CAPN1: variants seen among roughly 807,000 people sequenced by gnomAD.
CAPN1 encodes the protein calpain-1 catalytic subunit.
In CAPN1, 77 loss-of-function variants were observed where a neutral mutation model predicts 105.2. That is an observed-to-expected ratio of 0.73 (90% CI 0.61 to 0.88). CAPN1 has a LOEUF of 0.88. Among genes scored for constraint, CAPN1 ranks in the 40% least tolerant of loss-of-function variants. The probability of loss-of-function intolerance (pLI) is 0.00; values close to 1 mark genes in which losing one functional copy is unlikely to be tolerated. For missense variants in CAPN1, 833 were observed against 976.6 expected, an observed-to-expected ratio of 0.85 and a Z score of 1.96; for synonymous variants, 355 against 388.8, an observed-to-expected ratio of 0.91 and a Z score of 1.02.
intron 4 of CAPN1, 40 bp downstream of exon 4, chr11:65,183,632 G>C (rs1327818432): frequency 7.2e-7 from 1 of 1,389,556 alleles, no homozygotes; most frequent in Admixed American, 1.7e-5. Context: ...CAGGCACTGG[G>C]GGAGATGCGG....
chr11:65,184,967 A>G (rs1948610911), intron 4 of CAPN1, among the ~76,000 whole-genome samples: 1 of 152,130 alleles, frequency 6.6e-6, no homozygotes, highest in African/African-American at 2.4e-5. Context: ...TCTCGAGCAT[A>G]CATGTACATA....
chr11:65,206,757 C>A (rs772297677), intron 13 of CAPN1, 23 bp from the exon 14 acceptor site: 1 of 1,612,668 alleles, frequency 6.2e-7, no homozygotes, highest in Non-Finnish European at 8.5e-7. Flanking sequence ...CTGACTGGCT[C>A]CTTTCCTCCC....
intron 10 of CAPN1, among the ~76,000 whole-genome samples, chr11:65,200,932 CTTTTTTTTTTTTT>C (rs56897147): frequency 2.2e-4 from 11 of 49,460 alleles, no homozygotes; most frequent in South Asian, 1.6e-3. Context: ...CCATGCCTGG[CTTTTTTTTTTTTT>C]TTTTTTTTTT....
Position 65,188,889 on chromosome 11 carries a change from G to A in CAPN1, c.1165+143G>A, listed in dbSNP as rs1410739813. 2.7e-6 allele frequency: 2 copies of A among 740,306 alleles called. No homozygotes were observed. The highest frequency in any genetic ancestry group is 5.4e-5 in the East Asian group (2 of 36,986). The allele number at this position is 740,306 out of a possible 1,614,324, so 45.9% of individuals were successfully genotyped here. ...TGCTTTGAGGAGTAAAATATTAAAT[G>A]TCCTAGTAAATTTTAAAGAGGCATG... On this transcript the variant is annotated intron_variant, in intron 10 of 21. Transcript: ENST00000279247. The surrounding 1 kb of genome is among the most constrained non-coding windows in gnomAD (Gnocchi z 5.5).
chr11:65,206,380 G>A (rs1476229106), intron 12 of CAPN1, 83 bp from the exon 13 acceptor site: 1 of 1,061,560 alleles, frequency 9.4e-7, no homozygotes, highest in Non-Finnish European at 1.4e-6. Flanking sequence ...AGGACAAGGA[G>A]CCTGGAGTCT....
chr11:65,184,372 C>G (rs1948600653), intron 4 of CAPN1, among the ~76,000 whole-genome samples: 1 of 152,158 alleles, frequency 6.6e-6, no homozygotes, highest in Non-Finnish European at 1.5e-5. Flanking sequence ...GTCTCGCCCC[C>G]TTCCCTCGCT....
intron 4 of CAPN1, 65 bp from the exon 5 acceptor site, chr11:65,185,852 G>A (rs965648661): frequency 1.3e-6 from 2 of 1,513,746 alleles, no homozygotes; most frequent in Non-Finnish European, 1.8e-6. Flanking sequence ...GGAAGGTAGG[G>A]GTAAGGATGG....
chr11:65,185,617 T>G (rs1948620494), intron 4 of CAPN1, among the ~76,000 whole-genome samples: 1 of 151,202 alleles, frequency 6.6e-6, no homozygotes, highest in African/African-American at 2.4e-5. Flanking sequence ...TGAAATACTT[T>G]GATTTCCTTC....
At chr11:65,190,703 G>T (rs1432990347) in intron 10 of CAPN1, among the ~76,000 whole-genome samples, 3 of 149,040 alleles carry the variant, frequency 2.0e-5, no homozygotes, top group African/African-American at 4.9e-5. Flanking sequence ...TTTGTTGTTG[G>T]TTTTTTTTGT....
chr11:65,205,390 G>A (rs993770769), intron 11 of CAPN1, among the ~76,000 whole-genome samples: 4 of 152,204 alleles, frequency 2.6e-5, no homozygotes, highest in Admixed American at 2.6e-4. Flanking sequence ...CAAACCCCCT[G>A]GCAGCAGCCT....
In CAPN1 at chr11:65,209,473, G is replaced by A. The variant is rs1008708962; in HGVS notation, c.1794+86G>A. 4.4e-6 allele frequency: 5 copies of A among 1,134,276 alleles called. No individual in the cohort carries two copies. In the African/African-American group the frequency reaches 7.6e-5, roughly 17 times the overall value. 70.3% of individuals were successfully genotyped at this position (1,134,276 alleles called of 1,614,324 possible). A position where few individuals can be genotyped will look rare whatever the true frequency, so the allele number is the denominator to read the frequency against. ...GAGAACTGTCCCAGGACAGCACAGA[G>A]AACAGGACAGAGCCATGCGGAGTGT... On this transcript the variant is annotated intron_variant, in intron 17 of 21. Transcript: ENST00000279247. This position sits in a 1 kb window ranked among gnomAD's most constrained non-coding sequence, Gnocchi z 4.1.
chr11:65,183,425 C>T (rs555178066), intron 3 of CAPN1, 49 bp from the exon 4 acceptor site: 9 of 1,434,608 alleles, frequency 6.3e-6, no homozygotes, highest in South Asian at 2.3e-5. Context: ...CGCTTCCCCC[C>T]CCGGGGCAGG....
chr11:65,195,864 C>A (rs1294217344), intron 10 of CAPN1, among the ~76,000 whole-genome samples: 1 of 152,066 alleles, frequency 6.6e-6, no homozygotes, highest in Non-Finnish European at 1.5e-5. Context: ...CTGGACATTT[C>A]TTTGGTGAGA....
chr11:65,188,287 G>C lies in CAPN1; in HGVS notation c.930-127G>C. Reference sequence around the variant, plus strand: ...GACCACCCCCTAGAAGCGGAACCTTGGCGCTTGACCTTGAGGAGGCCACCT... The same window carrying C: ...GACCACCCCCTAGAAGCGGAACCTTCGCGCTTGACCTTGAGGAGGCCACCT... On this transcript the variant is annotated intron_variant, in intron 8 of 21. Transcript: ENST00000279247. This position sits in a 1 kb window ranked among gnomAD's most constrained non-coding sequence, Gnocchi z 5.5. 1.2e-6 allele frequency: 1 copy of C among 826,674 alleles called. No homozygotes were observed. Among genetic ancestry groups the C allele is most frequent in the South Asian group, 1.7e-5 (1 of 58,918 alleles). The allele number at this position is 826,674 out of a possible 1,614,324, so 51.2% of individuals were successfully genotyped here.
chr11:65,193,684 TC>T (rs1309695219), intron 10 of CAPN1, among the ~76,000 whole-genome samples: 3 of 148,248 alleles, frequency 2.0e-5, no homozygotes, highest in Admixed American at 1.3e-4. Flanking sequence ...ACTTTGTTGG[TC>T]CTTTGTATAG....
rs558100102 is a variant in CAPN1 at position 65,184,068 on chromosome 11, T to C, written c.456+476T>C. 1.1e-4 allele frequency among the ~76,000 whole-genome samples: 16 copies of C among 152,256 alleles called. No homozygotes were observed. In the South Asian group the frequency reaches 3.1e-3, roughly 30 times the overall value. Reference sequence around the variant, plus strand: ...TACGTAAACCAGCTTTTCCTGACGGTGTGCCCAGGGCCCATTTTTCAAGTC... The same window carrying C: ...TACGTAAACCAGCTTTTCCTGACGGCGTGCCCAGGGCCCATTTTTCAAGTC... On this transcript the variant is annotated intron_variant, in intron 4 of 21. Transcript: ENST00000279247.
intron 10 of CAPN1, among the ~76,000 whole-genome samples, chr11:65,203,198 C>CTT (rs1555010058): frequency 6.7e-6 from 1 of 149,870 alleles, no homozygotes; most frequent in Non-Finnish European, 1.5e-5. Context: ...AACATTCTCT[C>CTT]TTTTTTTTTT....
rs915323030 is a variant in CAPN1 at position 65,186,018 on chromosome 11, C to T, written c.558C>T (p.Phe186=). Residue 186 remains phenylalanine, a synonymous_variant, in exon 5 of 22, where the codon TTC becomes TTT. Coordinates refer to ENST00000279247, the MANE Select transcript of CAPN1 (RefSeq NM_005186.4). ...VFVHSAEGNE[F]WSALLEKAYA... ...TGCACTCTGCCGAAGGCAACGAGTT[C>T]TGGAGCGCCCTGCTTGAGAAGGCCT... 1.2e-6 allele frequency: 2 copies of T among 1,610,764 alleles called. No individual in the cohort carries two copies. Among genetic ancestry groups the T allele is most frequent in the Non-Finnish European group, 8.5e-7 (1 of 1,178,570 alleles).
In CAPN1 at chr11:65,208,288, C is replaced by T. The variant is rs1184220823; in HGVS notation, c.1729+26C>T. On this transcript the variant is annotated intron_variant, in intron 16 of 21. Coordinates refer to ENST00000279247, the MANE Select transcript of CAPN1 (RefSeq NM_005186.4). The surrounding 1 kb of genome is among the most constrained non-coding windows in gnomAD (Gnocchi z 4.1). ...GTGAGTCCCCGCGGGGCTGTCCCACCACCCCACCATTTCTTCCACATCAGA... is the reference window on the plus strand; with the variant it reads ...GTGAGTCCCCGCGGGGCTGTCCCACTACCCCACCATTTCTTCCACATCAGA... 2 of 1,547,480 alleles carry T rather than the reference C, an allele frequency of 1.3e-6. No homozygotes were observed. Among genetic ancestry groups the T allele is most frequent in the Admixed American group, 2.0e-5 (1 of 51,194 alleles).
Sources: allele counts gnomAD v4.1 joint callset (sites outside exome capture counted in the v4.1 genomes callset), GRCh38; gene constraint gnomAD v4.1.1; non-coding constraint Gnocchi (gnomAD v3.1); transcripts MANE v1.5; gene names NCBI Gene and HGNC (gene_info 2026-07-23, HGNC 2026-07-21).